Variants in MAP2K5 observed in about 807,000 individuals in gnomAD.
The protein encoded by MAP2K5 is dual specificity mitogen-activated protein kinase kinase 5.
MAP2K5 carries 49 observed loss-of-function variants against 83.1 expected under a neutral mutation model. That is an observed-to-expected ratio of 0.59 (90% CI 0.47 to 0.75). MAP2K5 has a LOEUF of 0.75. MAP2K5 is among the 30% of genes least tolerant of loss of function. The pLI is 0.00. For synonymous variants in MAP2K5, 202 were observed against 191.8 expected, an observed-to-expected ratio of 1.05 and a Z score of -0.44; for missense variants, 457 against 557.5, an observed-to-expected ratio of 0.82 and a Z score of 1.82.
chr15:67,709,115 ACT>A (rs1294590489), intron 16 of MAP2K5, among the ~76,000 whole-genome samples: 4 of 152,154 alleles, frequency 2.6e-5, no homozygotes, highest in African/African-American at 4.8e-5. Context: ...GTGGTTTTTA[ACT>A]CACATCTTTA....
rs747520299 is a variant in MAP2K5 at position 67,543,256 on chromosome 15, T to A, written c.-80T>A. 17 of 1,447,180 alleles carry A rather than the reference T, an allele frequency of 1.2e-5. No individual in the cohort carries two copies. The highest frequency in any genetic ancestry group is 1.7e-5 in the Admixed American group (1 of 58,272). The allele number at this position is 1,447,180 out of a possible 1,614,324, so 89.6% of individuals were successfully genotyped here. ...CTCTGTCCTCTGCCCGTCACTCCCC[T>A]TGTCACCTCTTGGAGCCCCCTCCTA... On this transcript the variant is annotated 5_prime_UTR_variant, in exon 1 of 22. The change creates a new upstream start codon in the 5' untranslated region. Transcript: ENST00000178640. The surrounding 1 kb of genome is among the most constrained non-coding windows in gnomAD (Gnocchi z 4.3).
Position 67,562,558 on chromosome 15 carries a change from G to A in MAP2K5, c.185-725G>A. On this transcript the variant is annotated intron_variant, in intron 2 of 21. Coordinates refer to ENST00000178640, the MANE Select transcript of MAP2K5 (RefSeq NM_145160.3). The surrounding 1 kb of genome is among the most constrained non-coding windows in gnomAD (Gnocchi z 4.1). ...GTGAAGTCTTGTCCTCCAGCCTTAA[G>A]ACTTAAATTATTTCAAAATAGCATG... Among the ~76,000 whole-genome samples, 1 of 152,084 alleles carries A rather than the reference G, an allele frequency of 6.6e-6. No homozygotes were observed. The highest frequency in any genetic ancestry group is 2.1e-4 in the South Asian group (1 of 4,822).
At chr15:67,701,763 G>A (rs1385187415) in intron 15 of MAP2K5, among the ~76,000 whole-genome samples, 2 of 152,174 alleles carry the variant, frequency 1.3e-5, no homozygotes, top group African/African-American at 2.4e-5. Flanking sequence ...TTAACAGTGA[G>A]CACCTCAGGC....
intron 16 of MAP2K5, among the ~76,000 whole-genome samples, chr15:67,718,598 T>C (rs2088881837): frequency 6.6e-6 from 1 of 152,088 alleles, no homozygotes; most frequent in South Asian, 2.1e-4. Flanking sequence ...TCCCCGTCTC[T>C]ACTAAAAATA....
At chr15:67,799,711 A>C (rs912235517) in intron 21 of MAP2K5, among the ~76,000 whole-genome samples, 1 of 152,256 alleles carries the variant, frequency 6.6e-6, no homozygotes, top group Non-Finnish European at 1.5e-5. Context: ...CAGGCCAGAC[A>C]GATCTGCCCA....
rs887211485 is a variant in MAP2K5, at chr15:67,724,037, T to C, written c.1045-3879T>C. ...CCTAGTTTTAAACCAAACCACCCTC[T>C]TGAGTGCTGATTGCCTTGCCCGACC... On this transcript the variant is annotated intron_variant, in intron 16 of 21. Coordinates refer to ENST00000178640, the MANE Select transcript of MAP2K5 (RefSeq NM_145160.3). The surrounding 1 kb of genome is among the most constrained non-coding windows in gnomAD (Gnocchi z 4.4). Among the ~76,000 whole-genome samples the C allele has an allele frequency of 7.9e-5, 12 of 152,186 alleles. No individual in the cohort carries two copies. The highest frequency in any genetic ancestry group is 7.9e-4 in the Admixed American group (12 of 15,280).
At chr15:67,548,053 G>A (rs2084432063) in intron 1 of MAP2K5, among the ~76,000 whole-genome samples, 1 of 152,166 alleles carries the variant, frequency 6.6e-6, no homozygotes, top group Non-Finnish European at 1.5e-5. Flanking sequence ...CAGGTGAGGA[G>A]CATGTGCAGT....
rs2088844984 is a variant in MAP2K5, at chr15:67,717,102, A to C, written c.1045-10814A>C. Among the ~76,000 whole-genome samples, 1 of 152,214 alleles carries C rather than the reference A, an allele frequency of 6.6e-6. No individual in the cohort carries two copies. On this transcript the variant is annotated intron_variant, in intron 16 of 21. Transcript: ENST00000178640. The surrounding 1 kb of genome is among the most constrained non-coding windows in gnomAD (Gnocchi z 4.1). ...AAAGTAGATCAAGTAGTTTGAAAAA[A>C]GAAGAGATGAATGGTAAATGGAACT... is the stretch of plus-strand genomic sequence containing the variant.
At chr15:67,641,791 C>A in intron 9 of MAP2K5, 1 of 191,620 alleles carries the variant, frequency 5.2e-6, no homozygotes, top group Non-Finnish European at 9.6e-6. Context: ...TTTCCTTGGA[C>A]TCCAAAAAGA....
chr15:67,784,800 T>C (rs778841570), intron 21 of MAP2K5, among the ~76,000 whole-genome samples: 5 of 152,196 alleles, frequency 3.3e-5, no homozygotes, highest in African/African-American at 4.8e-5. Context: ...ATCATGGGTA[T>C]AGAAATGGGC....
intron 17 of MAP2K5, among the ~76,000 whole-genome samples, chr15:67,729,986 A>G (rs1466264378): frequency 6.6e-6 from 1 of 152,242 alleles, no homozygotes; most frequent in Admixed American, 6.5e-5. Context: ...GCGGGAAACA[A>G]CTGTATTCCT....
intron 19 of MAP2K5, among the ~76,000 whole-genome samples, chr15:67,753,098 A>C (rs1362697078): frequency 6.6e-6 from 1 of 152,236 alleles, no homozygotes; most frequent in African/African-American, 2.4e-5. Flanking sequence ...TGGCGAAAGA[A>C]TAGTCTTTTC....
At chr15:67,800,974 G>C (rs1216300777) in intron 21 of MAP2K5, among the ~76,000 whole-genome samples, 1 of 152,180 alleles carries the variant, frequency 6.6e-6, no homozygotes, top group Admixed American at 6.5e-5. Context: ...TTTGACCATA[G>C]TTGAGTGTAT....
rs541925513 is a variant in MAP2K5, at chr15:67,695,111, G to A, written c.972+1543G>A. 2.7e-3 allele frequency among the ~76,000 whole-genome samples: 400 copies of A among 147,308 alleles called. 11 individuals carry two copies. Among genetic ancestry groups the A allele is most frequent in the East Asian group, 6.0e-4 (3 of 4,962 alleles). Reference sequence around the variant, plus strand: ...ACATCACACTCTGGGGACTGTTGTGGGTTGGGGGGAGGGGGGAGGGATGGC... The same window carrying A: ...ACATCACACTCTGGGGACTGTTGTGAGTTGGGGGGAGGGGGGAGGGATGGC... On this transcript the variant is annotated intron_variant, in intron 15 of 21. Transcript: ENST00000178640.
chr15:67,737,844 CTTTTTTTTTTTTTT>C (rs35988425), intron 17 of MAP2K5, among the ~76,000 whole-genome samples: 1 of 69,296 alleles, frequency 1.4e-5, no homozygotes, highest in African/African-American at 6.0e-5. Context: ...ATAGAATAGT[CTTTTTTTTTTTTTT>C]TTTTTTTTTT....
intron 13 of MAP2K5, among the ~76,000 whole-genome samples, chr15:67,678,881 T>A (rs960903307): frequency 6.6e-6 from 1 of 150,390 alleles, no homozygotes; most frequent in Non-Finnish European, 1.5e-5. Context: ...GGAGAATTGC[T>A]TGCACCTGAG....
At chr15:67,639,453 A>G (rs1567328193) in intron 9 of MAP2K5, among the ~76,000 whole-genome samples, 1 of 152,268 alleles carries the variant, frequency 6.6e-6, no homozygotes, top group African/African-American at 2.4e-5. Flanking sequence ...AAGCTGAGGC[A>G]CAGAGAAGTT....
intron 13 of MAP2K5, among the ~76,000 whole-genome samples, chr15:67,684,653 A>T (rs1465117930): frequency 6.6e-6 from 1 of 152,186 alleles, no homozygotes; most frequent in Non-Finnish European, 1.5e-5. Flanking sequence ...CCACACACAC[A>T]CCAGAAATAA....
At position 67,668,742 on chromosome 15, in the gene MAP2K5, G is replaced by A. The variant is rs182123638; in HGVS notation, c.847+4097G>A. On this transcript the variant is annotated intron_variant, in intron 13 of 21. Transcript: ENST00000178640. The surrounding 1 kb of genome is among the most constrained non-coding windows in gnomAD (Gnocchi z 4.0). ...TAAAAAATAGAAATGCAAGGGTAATGAGAATAGAATTTAGATTAAGAAAAT... is the reference window on the plus strand; with the variant it reads ...TAAAAAATAGAAATGCAAGGGTAATAAGAATAGAATTTAGATTAAGAAAAT... Among the ~76,000 whole-genome samples the A allele has an allele frequency of 2.6e-5, 4 of 152,058 alleles. No individual in the cohort carries two copies. Among genetic ancestry groups the A allele is most frequent in the African/African-American group, 9.7e-5 (4 of 41,404 alleles).
Sources: gnomAD v4.1 joint callset for allele counts (sites outside exome capture counted in the v4.1 genomes callset) on GRCh38, gnomAD v4.1.1 for gene constraint, Gnocchi (gnomAD v3.1) non-coding constraint, MANE v1.5 for transcripts, NCBI Gene and HGNC (gene_info 2026-07-23, HGNC 2026-07-21) for gene names.